Variants in MAST4 observed in about 807,000 individuals in gnomAD.
MAST4 encodes the protein microtubule-associated serine/threonine-protein kinase 4.
MAST4 carries 89 observed loss-of-function variants against 162.7 expected under a neutral mutation model. The observed-to-expected ratio is 0.55, with a 90% CI of 0.46 to 0.65. MAST4 has a LOEUF of 0.65. MAST4 is among the 30% of genes least tolerant of loss of function. The pLI is 0.00. For missense variants in MAST4, 3,153 were observed against 3,374.0 expected, an observed-to-expected ratio of 0.93 and a Z score of 1.62; for synonymous variants, 1,479 against 1,361.1, an observed-to-expected ratio of 1.09 and a Z score of -1.91.
chr5:66,960,567 A>C (rs1314817042), intron 4 of MAST4, among the ~76,000 whole-genome samples: 4 of 151,380 alleles, frequency 2.6e-5, no homozygotes, highest in African/African-American at 4.9e-5. Flanking sequence ...TCCTCTCTCT[A>C]GCTGGAAATG....
intron 2 of MAST4, among the ~76,000 whole-genome samples, chr5:66,776,762 G>T (rs778220661): frequency 6.6e-6 from 1 of 152,174 alleles, no homozygotes; most frequent in Non-Finnish European, 1.5e-5. Context: ...TAGGTGTGAC[G>T]TGGGGCTACA....
chr5:67,153,683 TGAGAA>T, intron 26 of MAST4, 103 bp downstream of exon 26: 1 of 1,099,878 alleles, frequency 9.1e-7, no homozygotes, highest in Non-Finnish European at 1.2e-6. Context: ...GTCTGATTAC[TGAGAA>T]AGTATTCATT....
At chr5:66,937,559 A>G (rs1561461153) in intron 4 of MAST4, among the ~76,000 whole-genome samples, 1 of 151,992 alleles carries the variant, frequency 6.6e-6, no homozygotes, top group South Asian at 2.1e-4. Flanking sequence ...TGTGGTCTGT[A>G]TTTTCTTTAG....
chr5:67,153,395 A>G, intron 25 of MAST4, 63 bp from the exon 26 acceptor site: 1 of 1,514,788 alleles, frequency 6.6e-7, no homozygotes, highest in Non-Finnish European at 8.9e-7. Context: ...CTCCCAGAAG[A>G]CACAGTAGGT....
chr5:67,164,738 C>A lies in MAST4; in HGVS notation c.5559C>A (p.Thr1853=). 6.2e-7 allele frequency: 1 copy of A among 1,614,014 alleles called. No individual in the cohort carries two copies. Among genetic ancestry groups the A allele is most frequent in the Non-Finnish European group, 8.5e-7 (1 of 1,179,890 alleles). The stretch of plus-strand genomic sequence containing the variant: ...GCAGCAGTGGGAAAAAGAACGATAC[C>A]ACCAGTGCAAGAGAGCTTTCTCCTT... ...LPSSSGKKND[T]TSARELSPSS... The change falls in exon 29 of 29, where the codon ACC becomes ACA. Residue 1853 remains threonine, a synonymous_variant. Transcript: ENST00000403625. This position sits in a 1 kb window ranked among gnomAD's most constrained non-coding sequence, Gnocchi z 5.3.
intron 1 of MAST4, among the ~76,000 whole-genome samples, chr5:66,697,813 G>A (rs1202035644): frequency 6.6e-6 from 1 of 152,008 alleles, no homozygotes; most frequent in East Asian, 1.9e-4. Flanking sequence ...TTCTAATATG[G>A]TAAATATCAA....
chr5:67,110,052 A>G, intron 10 of MAST4, 46 bp from the exon 11 acceptor site: 1 of 1,383,904 alleles, frequency 7.2e-7, no homozygotes, highest in Non-Finnish European at 1.0e-6. Context: ...TTTTCCATTT[A>G]ATGGAACAAC....
rs1355333969 is a variant in MAST4 at position 67,152,861 on chromosome 5, G to A, written c.3520G>A (p.Val1174Ile). The change falls in exon 25 of 29, where the codon GTC (valine) becomes ATC (isoleucine). Residue 1174 changes from valine (V) to isoleucine (I), a missense_variant. Transcript: ENST00000403625. ...TGACATCTATACAGTGCACCATATC[G>A]TCTGGGTAAGACCTGCATGTCTCGC... ...DSDIYTVHHIVWNVEEGSPAC... is the reference protein window; with the variant it reads ...DSDIYTVHHIIWNVEEGSPAC... 9.3e-6 allele frequency: 15 copies of A among 1,613,048 alleles called. No individual in the cohort carries two copies. The highest frequency in any genetic ancestry group is 1.6e-4 in the Middle Eastern group (1 of 6,062).
intron 3 of MAST4, among the ~76,000 whole-genome samples, chr5:66,872,508 A>G (rs867105247): frequency 6.6e-6 from 1 of 152,094 alleles, no homozygotes. Flanking sequence ...TACATTTTCT[A>G]TGCTGAAGTG....
chr5:67,148,827 C>T (rs1215987839), intron 23 of MAST4, among the ~76,000 whole-genome samples: 2 of 152,150 alleles, frequency 1.3e-5, no homozygotes, highest in Non-Finnish European at 2.9e-5. Flanking sequence ...AGGCACTTTT[C>T]TATCAGTTAC....
chr5:66,769,012 G>T (rs1046519913), intron 2 of MAST4, among the ~76,000 whole-genome samples: 1 of 152,102 alleles, frequency 6.6e-6, no homozygotes, highest in Non-Finnish European at 1.5e-5. Flanking sequence ...AAGAGAAGGA[G>T]ATATGACATA....
chr5:66,919,525 G>T (rs913031112), intron 4 of MAST4, among the ~76,000 whole-genome samples: 6 of 151,952 alleles, frequency 3.9e-5, no homozygotes, highest in Admixed American at 3.9e-4. Context: ...GCCAGGCATG[G>T]TGGCACACGC....
chr5:67,131,703 T>C, intron 15 of MAST4, 110 bp from the exon 16 acceptor site: 1 of 1,037,626 alleles, frequency 9.6e-7, no homozygotes. Context: ...GACTATGATA[T>C]GCTGTGTCTA....
At chr5:67,078,918 A>ATT (rs1561622087) in intron 5 of MAST4, among the ~76,000 whole-genome samples, 16 of 58,914 alleles carry the variant, frequency 2.7e-4, no homozygotes, top group African/African-American at 1.2e-3. Flanking sequence ...ATAAATATAT[A>ATT]TATATATATA....
Position 67,167,262 on chromosome 5 carries a change from TACAAAAAA to T in MAST4, c.*213_*220del, listed in dbSNP as rs1774164380. On this transcript the variant is annotated 3_prime_UTR_variant, in exon 29 of 29. Coordinates refer to ENST00000403625, the MANE Select transcript of MAST4 (RefSeq NM_001164664.2). The stretch of plus-strand genomic sequence containing the variant: ...TAAAACTGTTACCAGATAGTGTTTG[TACAAAAAA>T]AAAAAAAAAAAAAAAAAAAAAAATT... 1.8e-5 allele frequency: 2 copies of T among 109,584 alleles called. No homozygotes were observed. The highest frequency in any genetic ancestry group is 1.5e-5 in the Non-Finnish European group (1 of 66,778). 6.8% of individuals were successfully genotyped at this position (109,584 alleles called of 1,614,324 possible).
Position 66,634,594 on chromosome 5 carries a change from C to A in MAST4, c.363+37576C>A, listed in dbSNP as rs944954874. Among the ~76,000 whole-genome samples, 8 of 152,258 alleles carry A rather than the reference C, an allele frequency of 5.3e-5. No individual in the cohort carries two copies. The South Asian group carries it at 1.7e-3, about 32-fold the overall frequency. Reference sequence around the variant, plus strand: ...ATTTCTTCCCTCGTAGAAAAAAATGCCCCCCTTTTTGGGGACTGCTGTAGG... The same window carrying A: ...ATTTCTTCCCTCGTAGAAAAAAATGACCCCCTTTTTGGGGACTGCTGTAGG... On this transcript the variant is annotated intron_variant, in intron 1 of 28. Transcript: ENST00000403625.
intron 6 of MAST4, 58 bp downstream of exon 6, chr5:67,090,289 C>T: frequency 7.6e-7 from 1 of 1,307,750 alleles, no homozygotes; most frequent in Non-Finnish European, 1.1e-6. Context: ...CCATTTTCCT[C>T]TCCCTCTCCC....
In MAST4 at chr5:67,165,204, A is replaced by C; in HGVS notation, c.6025A>C (p.Ser2009Arg). The part of the protein sequence containing the change: ...ELCFPETAKT[S>R]DNSKNLLSVG... ...GTGCTTTCCAGAAACTGCGAAAACC[A>C]GTGACAACTCCAAAAATCTCCTCTC... The change falls in exon 29 of 29, where the codon AGT becomes CGT. Residue 2009 changes from serine (S) to arginine (R), a missense_variant. This residue lies in a region of MAST4 where 1,644 missense variants were observed against 1,495.0 expected (regional missense o/e 1.10). Transcript: ENST00000403625. The C allele has an allele frequency of 6.8e-6, 11 of 1,610,574 alleles. No homozygotes were observed. The highest frequency in any genetic ancestry group is 8.5e-6 in the Non-Finnish European group (10 of 1,178,396).
intron 2 of MAST4, among the ~76,000 whole-genome samples, chr5:66,780,895 A>C (rs1413018055): frequency 1.3e-5 from 2 of 152,202 alleles, no homozygotes; most frequent in Admixed American, 1.3e-4. Flanking sequence ...ACAATCCTCT[A>C]GCTAGACAGA....
Sources: allele counts gnomAD v4.1 joint callset (sites outside exome capture counted in the v4.1 genomes callset), GRCh38; gene constraint gnomAD v4.1.1; regional missense constraint gnomAD v4.1.1; non-coding constraint Gnocchi (gnomAD v3.1); transcripts MANE v1.5; gene names NCBI Gene and HGNC (gene_info 2026-07-23, HGNC 2026-07-21).